DOCK4: variants seen among roughly 807,000 people sequenced by gnomAD.
DOCK4 encodes the protein dedicator of cytokinesis 4.
A neutral mutation model predicts 268.1 loss-of-function variants in DOCK4; 97 were observed. The ratio of observed to expected loss-of-function variants is 0.36; its 90% CI spans 0.31 to 0.43. The LOEUF is 0.43. Ranked by LOEUF, DOCK4 falls within the 20% of genes least tolerant of loss-of-function variation. The probability of loss-of-function intolerance (pLI) is 1.00; values close to 1 mark genes in which losing one functional copy is unlikely to be tolerated. For missense variants in DOCK4, 2,145 were observed against 2,455.7 expected (o/e 0.87, Z 2.67); for synonymous variants, 954 against 887.2 (o/e 1.08, Z -1.34).
At chr7:112,165,779 G>A (rs1306895750) in intron 1 of DOCK4, among the ~76,000 whole-genome samples, 3 of 152,064 alleles carry the variant, frequency 2.0e-5, no homozygotes, top group Non-Finnish European at 4.4e-5. Flanking sequence ...AATTCTGTTA[G>A]AGTAGATCAA....
chr7:112,078,197 G>A (rs1484518386), intron 1 of DOCK4, among the ~76,000 whole-genome samples: 1 of 152,020 alleles, frequency 6.6e-6, no homozygotes, highest in African/African-American at 2.4e-5. Flanking sequence ...TTTTTTAAAT[G>A]TTAGAAGATG....
At position 111,928,494 on chromosome 7, in the gene DOCK4, T is replaced by A. The variant is rs148354764; in HGVS notation, c.1066+7046A>T. ...TGTAATGTAGTAACATATTTTGAACTATATTTTTTCTTTGCTGTCATTAGC... is the reference window on the plus strand; with the variant it reads ...TGTAATGTAGTAACATATTTTGAACAATATTTTTTCTTTGCTGTCATTAGC... On this transcript the variant is annotated intron_variant, in intron 12 of 52. Coordinates refer to ENST00000428084, the MANE Select transcript of DOCK4 (RefSeq NM_001363540.2). Among the ~76,000 whole-genome samples the A allele has an allele frequency of 3.8e-4, 58 of 152,300 alleles. No individual in the cohort carries two copies. The East Asian group carries it at 0.01, about 26-fold the overall frequency.
At chr7:111,963,142 G>C (rs1797067427) in intron 8 of DOCK4, among the ~76,000 whole-genome samples, 1 of 152,246 alleles carries the variant, frequency 6.6e-6, no homozygotes, top group Admixed American at 6.5e-5. Flanking sequence ...AAGGGAGGTA[G>C]TCAACCAGTA....
At chr7:112,133,918 T>C (rs887491532) in intron 1 of DOCK4, among the ~76,000 whole-genome samples, 1 of 152,110 alleles carries the variant, frequency 6.6e-6, no homozygotes, top group East Asian at 1.9e-4. Flanking sequence ...ATAATTTTTT[T>C]TTAACAGACT....
At chr7:112,066,684 CATATACATATATATATATAT>C (rs1563052023) in intron 1 of DOCK4, among the ~76,000 whole-genome samples, 3,773 of 46,060 alleles carry the variant, frequency 0.082, 270 homozygotes, top group South Asian at 0.1. Context: ...TACATATATA[CATATACATATATATATATAT>C]ATATATATAT....
At chr7:111,851,957 C>CT (rs1804604451) in intron 23 of DOCK4, among the ~76,000 whole-genome samples, 1 of 143,296 alleles carries the variant, frequency 7.0e-6, no homozygotes. Context: ...CTCTCTCCTT[C>CT]CTTTTTTTTT....
chr7:111,809,248 T>C (rs1467059327), intron 29 of DOCK4, 53 bp downstream of exon 29: 19 of 1,355,226 alleles, frequency 1.4e-5, no homozygotes, highest in Non-Finnish European at 1.8e-5. Context: ...TCATTTGAAC[T>C]AAATACTCTT....
chr7:111,812,089 AC>A, intron 27 of DOCK4, 140 bp from the exon 28 acceptor site: 1 of 491,014 alleles, frequency 2.0e-6, no homozygotes, highest in Non-Finnish European at 3.6e-6. Context: ...CATATTTGAA[AC>A]AAAAAAGAGA....
chr7:112,113,891 G>A (rs113739259), intron 1 of DOCK4, among the ~76,000 whole-genome samples: 1,653 of 151,488 alleles, frequency 0.011, 31 homozygotes, highest in African/African-American at 0.035. Flanking sequence ...ACCATGCTTC[G>A]CCTGGATTTT....
intron 23 of DOCK4, among the ~76,000 whole-genome samples, chr7:111,852,381 C>G (rs1303645383): frequency 6.6e-6 from 1 of 151,714 alleles, no homozygotes; most frequent in Non-Finnish European, 1.5e-5. Context: ...ATTAAGAAAA[C>G]AAATACAGAA....
chr7:111,980,760 A>G (rs1798547309), intron 7 of DOCK4, among the ~76,000 whole-genome samples: 1 of 152,200 alleles, frequency 6.6e-6, no homozygotes, highest in Non-Finnish European at 1.5e-5. Flanking sequence ...TTGGGTTGAA[A>G]TTGCATGTGA....
At chr7:111,771,452 G>C (rs139251484) in intron 36 of DOCK4, among the ~76,000 whole-genome samples, 8 of 152,304 alleles carry the variant, frequency 5.3e-5, no homozygotes, top group African/African-American at 1.7e-4. Context: ...TTCTTAATGG[G>C]ATTGAACGTG....
chr7:111,960,312 C>T (rs1308736306), intron 8 of DOCK4, among the ~76,000 whole-genome samples: 2 of 149,128 alleles, frequency 1.3e-5, no homozygotes, highest in African/African-American at 4.9e-5. Flanking sequence ...TGCAGTGAGC[C>T]GAGATCGCGC....
In DOCK4 at chr7:112,172,717, A is replaced by G. The variant is rs530552948; in HGVS notation, c.37+33385T>C. Among the ~76,000 whole-genome samples, 134 of 152,368 alleles carry G rather than the reference A, an allele frequency of 8.8e-4. 3 individuals carry two copies. The South Asian group carries it at 9.1e-3, about 10-fold the overall frequency. On this transcript the variant is annotated intron_variant, in intron 1 of 52. Coordinates refer to ENST00000428084, the MANE Select transcript of DOCK4 (RefSeq NM_001363540.2). ...AATGCCAAATGGTAAATATTATATA[A>G]TCCTGTTACTGTAAGGATATATCAA...
chr7:111,741,431 C>A, intron 46 of DOCK4, 109 bp downstream of exon 46: 2 of 1,492,122 alleles, frequency 1.3e-6, no homozygotes, highest in South Asian at 2.7e-5. Flanking sequence ...TTAGTTATTT[C>A]ATTAAGAAAT....
intron 16 of DOCK4, among the ~76,000 whole-genome samples, chr7:111,890,742 A>T (rs1808224192): frequency 6.6e-6 from 1 of 152,194 alleles, no homozygotes; most frequent in African/African-American, 2.4e-5. Context: ...ACAAAGGGAA[A>T]CTACCTCACA....
At chr7:111,843,562 C>T (rs1803857189) in intron 25 of DOCK4, among the ~76,000 whole-genome samples, 2 of 152,038 alleles carry the variant, frequency 1.3e-5, no homozygotes, top group Non-Finnish European at 2.9e-5. Flanking sequence ...TCCAAAAAAA[C>T]GGGTAACACC....
intron 6 of DOCK4, 100 bp downstream of exon 6, chr7:111,988,915 T>C (rs2074128): frequency 0.074 from 108,343 of 1,467,162 alleles, 9,780 homozygotes; most frequent in East Asian, 0.35. Context: ...AAAAAGCCCA[T>C]AGGATTGCTT....
At chr7:112,173,429 G>A (rs902935176) in intron 1 of DOCK4, among the ~76,000 whole-genome samples, 1 of 152,146 alleles carries the variant, frequency 6.6e-6, no homozygotes, top group Non-Finnish European at 1.5e-5. Flanking sequence ...CGAGGCAGCT[G>A]TTTTACAGGC....
Sources: allele counts gnomAD v4.1 joint callset (sites outside exome capture counted in the v4.1 genomes callset), GRCh38; gene constraint gnomAD v4.1.1; transcripts MANE v1.5; gene names NCBI Gene and HGNC (gene_info 2026-07-23, HGNC 2026-07-21).